FREM3: variants seen among roughly 807,000 people sequenced by gnomAD.
The protein encoded by FREM3 is FRAS1 related extracellular matrix 3.
FREM3 carries 105 observed loss-of-function variants against 129.1 expected under a neutral mutation model. The ratio of observed to expected loss-of-function variants is 0.81; its 90% CI spans 0.69 to 0.96. The LOEUF (loss-of-function observed/expected upper bound fraction) is 0.96. FREM3 is among the 40% of genes least tolerant of loss of function. FREM3 has a pLI of 0.00. For missense variants in FREM3, 2,593 were observed against 2,666.3 expected (o/e 0.97, Z 0.61); for synonymous variants, 1,014 against 1,044.9 (o/e 0.97, Z 0.57).
At chr4:143,616,427 A>C (rs1186442867) in intron 5 of FREM3, among the ~76,000 whole-genome samples, 1 of 152,174 alleles carries the variant, frequency 6.6e-6, no homozygotes, top group Admixed American at 6.5e-5. Context: ...CAACACAGAG[A>C]ATCTTTTTTA....
In FREM3 at chr4:143,699,705, G is replaced by C. The variant is rs1021638692; in HGVS notation, c.971C>G (p.Ala324Gly). Reference sequence around the variant, plus strand: ...CGCGGCCAGTGCGTCAGGCGTCAGGGCTGTCAGCACCAGTGGATCCACCTC... The same window carrying C: ...CGCGGCCAGTGCGTCAGGCGTCAGGCCTGTCAGCACCAGTGGATCCACCTC... The part of the protein sequence containing the change: ...MMEVDPLVLT[A>G]LTPDALAAED... Residue 324 changes from alanine to glycine, a missense_variant, in exon 1 of 8, where the codon GCC (alanine) becomes GGC (glycine). Physicochemically the swap from Ala to Gly is moderately conservative, Grantham distance 60. This residue lies in a region of FREM3 where 2,276 missense variants were observed against 2,267.2 expected (regional missense o/e 1.00). Coordinates refer to ENST00000329798, the MANE Select transcript of FREM3 (RefSeq NM_001168235.2). The surrounding 1 kb of genome is among the most constrained non-coding windows in gnomAD (Gnocchi z 4.2). 16 of 1,521,634 alleles carry C rather than the reference G, an allele frequency of 1.1e-5. No homozygotes were observed. The highest frequency in any genetic ancestry group is 1.2e-5 in the Non-Finnish European group (14 of 1,137,920). 94.3% of individuals were successfully genotyped at this position (1,521,634 alleles called of 1,614,324 possible). A position where few individuals can be genotyped will look rare whatever the true frequency, so the allele number is the denominator to read the frequency against.
At chr4:143,685,302 A>G (rs1312803219) in intron 2 of FREM3, among the ~76,000 whole-genome samples, 1 of 152,228 alleles carries the variant, frequency 6.6e-6, no homozygotes, top group African/African-American at 2.4e-5. Flanking sequence ...CAGATTTCTC[A>G]GCAGAAATCC....
chr4:143,644,783 A>T (rs181316744), intron 2 of FREM3, among the ~76,000 whole-genome samples: 1 of 152,224 alleles, frequency 6.6e-6, no homozygotes, highest in Non-Finnish European at 1.5e-5. Context: ...TACAACAAAA[A>T]TATGACTGCT....
At chr4:143,638,345 G>A (rs1739267919) in intron 2 of FREM3, among the ~76,000 whole-genome samples, 1 of 152,072 alleles carries the variant, frequency 6.6e-6, no homozygotes, top group African/African-American at 2.4e-5. Context: ...GCCCACATGG[G>A]CCATCTCTTT....
At chr4:143,671,984 A>T (rs1342250569) in intron 2 of FREM3, among the ~76,000 whole-genome samples, 1 of 152,140 alleles carries the variant, frequency 6.6e-6, no homozygotes, top group Non-Finnish European at 1.5e-5. Flanking sequence ...AAATGCTGAG[A>T]CCACACCCAG....
At position 143,659,357 on chromosome 4, in the gene FREM3, C is replaced by G. The variant is rs567902694; in HGVS notation, c.5276-31597G>C. ...AACATGCGGTGTTTGGTTTTTTGTC[C>G]TTGTGATAGTTTACTGAGAATGATG... On this transcript the variant is annotated intron_variant, in intron 2 of 7. Coordinates refer to ENST00000329798, the MANE Select transcript of FREM3 (RefSeq NM_001168235.2). 7.6e-3 allele frequency among the ~76,000 whole-genome samples: 1,152 copies of G among 151,870 alleles called. 15 individuals carry two copies. The highest frequency in any genetic ancestry group is 0.026 in the African/African-American group (1,088 of 41,374).
At position 143,698,064 on chromosome 4, in the gene FREM3, C is replaced by A; in HGVS notation, c.2612G>T (p.Gly871Val). ...IDQIVFILVRGPQHGHLQYFK... is the reference protein window; with the variant it reads ...IDQIVFILVRVPQHGHLQYFK... Reference sequence around the variant, plus strand: ...GTACTGCAAGTGTCCATGTTGGGGACCCCGGACTAATATGAAGACAATTTG... The same window carrying A: ...GTACTGCAAGTGTCCATGTTGGGGAACCCGGACTAATATGAAGACAATTTG... The change falls in exon 1 of 8, where the codon GGT (glycine) becomes GTT (valine). Residue 871 changes from glycine to valine, a missense_variant. Gly to Val is a moderately radical substitution (Grantham distance 109). Around this residue, in one of 2 missense-constraint regions of FREM3, gnomAD observed 2,276 missense variants for 2,267.2 expected, o/e 1.00. Transcript: ENST00000329798. 1 of 1,537,296 alleles carries A rather than the reference C, an allele frequency of 6.5e-7. No homozygotes were observed. Among genetic ancestry groups the A allele is most frequent in the African/African-American group, 1.4e-5 (1 of 73,152 alleles).
At chr4:143,651,530 G>A (rs760053355) in intron 2 of FREM3, among the ~76,000 whole-genome samples, 1 of 152,222 alleles carries the variant, frequency 6.6e-6, no homozygotes, top group Non-Finnish European at 1.5e-5. Flanking sequence ...GGAGTCTGGA[G>A]GGGCTTAGAA....
chr4:143,648,784 G>A (rs532209451), intron 2 of FREM3, among the ~76,000 whole-genome samples: 6 of 152,254 alleles, frequency 3.9e-5, no homozygotes, highest in East Asian at 1.9e-4. Context: ...ATGGACTAAT[G>A]CAGAGTCCTG....
chr4:143,620,801 A>G (rs570010728), intron 5 of FREM3, among the ~76,000 whole-genome samples: 10 of 152,292 alleles, frequency 6.6e-5, no homozygotes, highest in Non-Finnish European at 1.3e-4. Flanking sequence ...TAAAATAGAT[A>G]TTTTAATCCC....
chr4:143,670,857 A>C (rs1235220011), intron 2 of FREM3, among the ~76,000 whole-genome samples: 11 of 152,084 alleles, frequency 7.2e-5, no homozygotes. Context: ...ATTTTTATAC[A>C]TGGAATCACA....
intron 2 of FREM3, among the ~76,000 whole-genome samples, chr4:143,684,917 C>G (rs1740330414): frequency 6.6e-6 from 1 of 151,930 alleles, no homozygotes; most frequent in African/African-American, 2.4e-5. Flanking sequence ...ATTTCTAGCT[C>G]AAAGACAATG....
rs774438262 is a variant in FREM3 at position 143,585,836 on chromosome 4, C to T, written c.6178+8G>A. 3 of 1,536,692 alleles carry T rather than the reference C, an allele frequency of 2.0e-6. No homozygotes were observed. Among genetic ancestry groups the T allele is most frequent in the African/African-American group, 1.4e-5 (1 of 72,982 alleles). On this transcript the variant is annotated splice_region_variant and intron_variant, in intron 7 of 7. Coordinates refer to ENST00000329798, the MANE Select transcript of FREM3 (RefSeq NM_001168235.2). The surrounding 1 kb of genome is among the most constrained non-coding windows in gnomAD (Gnocchi z 4.2). ...GATAATGATATATTCTTTAAGTGGCCCTCTCACCTTCTGCTGACTCCTGCT... is the reference window on the plus strand; with the variant it reads ...GATAATGATATATTCTTTAAGTGGCTCTCTCACCTTCTGCTGACTCCTGCT...
In FREM3 at chr4:143,666,381, T is replaced by A. The variant is rs11930029; in HGVS notation, c.5275+26732A>T. ...GAATGAGATACAGAAATTCTACACT[T>A]AGGTATATATCCAAGGGAACTGAAA... On this transcript the variant is annotated intron_variant, in intron 2 of 7. Coordinates refer to ENST00000329798, the MANE Select transcript of FREM3 (RefSeq NM_001168235.2). Among the ~76,000 whole-genome samples the A allele has an allele frequency of 3.4e-3, 518 of 152,200 alleles. 2 individuals carry two copies. Among genetic ancestry groups the A allele is most frequent in the African/African-American group, 0.012 (500 of 41,532 alleles).
chr4:143,700,036 G>T lies in FREM3; in HGVS notation c.640C>A (p.Pro214Thr). The T allele has an allele frequency of 6.6e-7, 1 of 1,515,772 alleles. No individual in the cohort carries two copies. Among genetic ancestry groups the T allele is most frequent in the South Asian group, 1.2e-5 (1 of 81,050 alleles). 93.9% of individuals were successfully genotyped at this position (1,515,772 alleles called of 1,614,324 possible). A position where few individuals can be genotyped will look rare whatever the true frequency, so the allele number is the denominator to read the frequency against. The change falls in exon 1 of 8, where the codon CCT becomes ACT. Residue 214 changes from proline to threonine, a missense_variant. Physicochemically the swap from Pro to Thr is conservative, Grantham distance 38. Transcript: ENST00000329798. ...ATRRCRLTPL[P>T]HEDGPLPKYG... ...TTGGGCAGGGGGCCGTCCTCGTGAG[G>T]AAGTGGGGTAAGCCGGCACCTGCGG... is the stretch of plus-strand genomic sequence containing the variant.
chr4:143,662,733 T>C (rs1381140268), intron 2 of FREM3, among the ~76,000 whole-genome samples: 1 of 152,022 alleles, frequency 6.6e-6, no homozygotes, highest in African/African-American at 2.4e-5. Flanking sequence ...TCTTTATAGG[T>C]CACTCAGGAC....
chr4:143,695,408 A>G (rs1045694577), intron 1 of FREM3, 83 bp downstream of exon 1: 2 of 1,207,400 alleles, frequency 1.7e-6, no homozygotes, highest in African/African-American at 3.1e-5. Flanking sequence ...AATGGCTGAG[A>G]TCAGGACAAT....
At chr4:143,601,122 T>C (rs1738565146) in intron 6 of FREM3, among the ~76,000 whole-genome samples, 2 of 152,316 alleles carry the variant, frequency 1.3e-5, no homozygotes, top group African/African-American at 2.4e-5. Context: ...ATAATGATAC[T>C]ATTTCTTCTG....
Position 143,699,976 on chromosome 4 carries a change from G to C in FREM3, c.700C>G (p.Leu234Val), listed in dbSNP as rs868326692. The change falls in exon 1 of 8, where the codon CTC becomes GTC. Residue 234 changes from leucine (L) to valine (V), a missense_variant. Leu to Val is a conservative substitution (Grantham distance 32, BLOSUM62 1). Around this residue, in one of 2 missense-constraint regions of FREM3, gnomAD observed 2,276 missense variants for 2,267.2 expected, o/e 1.00. Coordinates refer to ENST00000329798, the MANE Select transcript of FREM3 (RefSeq NM_001168235.2). This position sits in a 1 kb window ranked among gnomAD's most constrained non-coding sequence, Gnocchi z 4.2. ...GRLVDAVGAPLPRGKGVDCEA... is the reference protein window; with the variant it reads ...GRLVDAVGAPVPRGKGVDCEA... ...CAGTCTACGCCCTTGCCCCTGGGGA[G>C]AGGGGCCCCCACCGCGTCCACCAAG... 6.6e-7 allele frequency: 1 copy of C among 1,506,838 alleles called. No homozygotes were observed. Among genetic ancestry groups the C allele is most frequent in the Admixed American group, 2.1e-5 (1 of 48,288 alleles). The allele number at this position is 1,506,838 out of a possible 1,614,324, so 93.3% of individuals were successfully genotyped here.
Sources: allele counts gnomAD v4.1 joint callset (sites outside exome capture counted in the v4.1 genomes callset), GRCh38; gene constraint gnomAD v4.1.1; regional missense constraint gnomAD v4.1.1; non-coding constraint Gnocchi (gnomAD v3.1); transcripts MANE v1.5; gene names NCBI Gene and HGNC (gene_info 2026-07-23, HGNC 2026-07-21).